MAP3K4: variants seen among roughly 807,000 people sequenced by gnomAD.
The protein encoded by MAP3K4 is mitogen-activated protein kinase kinase kinase 4, also known as MAP three kinase 1.
MAP3K4 carries 67 observed loss-of-function variants against 185.6 expected under a neutral mutation model. The observed-to-expected ratio is 0.36, with a 90% CI of 0.30 to 0.44. The LOEUF is 0.44. MAP3K4 is among the 20% of genes least tolerant of loss of function. The pLI, the probability that MAP3K4 is intolerant of heterozygous loss-of-function variation, is 1.00. For missense variants in MAP3K4, 1,551 were observed against 1,995.1 expected (o/e 0.78, Z 4.24); for synonymous variants, 702 against 710.4 (o/e 0.99, Z 0.19).
intron 3 of MAP3K4, among the ~76,000 whole-genome samples, chr6:161,060,601 T>C (rs552832927): frequency 6.6e-6 from 1 of 150,798 alleles, no homozygotes; most frequent in Non-Finnish European, 1.5e-5. Flanking sequence ...GAGTCAGATA[T>C]GTTTTGTTTT....
Position 161,091,289 on chromosome 6 carries a change from G to T in MAP3K4, c.2974-90G>T. The T allele has an allele frequency of 9.4e-7, 1 of 1,060,136 alleles. No homozygotes were observed. The allele number at this position is 1,060,136 out of a possible 1,614,324, so 65.7% of individuals were successfully genotyped here. ...GAATTGTTTGTAGTGGTTAATGTCT[G>T]TGTGATGATGAACGAAATCTTCCTT... On this transcript the variant is annotated intron_variant, in intron 11 of 26. Transcript: ENST00000392142. This position sits in a 1 kb window ranked among gnomAD's most constrained non-coding sequence, Gnocchi z 5.5.
chr6:161,117,230 G>A lies in MAP3K4; in HGVS notation c.*360G>A. On this transcript the variant is annotated 3_prime_UTR_variant, in exon 27 of 27. Transcript: ENST00000392142. ...AGTGTTATCAGGCGTCCCATACCTTGTTTTTAATCTCCTGTTTGTTGAGTG... is the reference window on the plus strand; with the variant it reads ...AGTGTTATCAGGCGTCCCATACCTTATTTTTAATCTCCTGTTTGTTGAGTG... The A allele has an allele frequency of 4.7e-6, 1 of 212,976 alleles. No homozygotes were observed. The highest frequency in any genetic ancestry group is 1.1e-4 in the East Asian group (1 of 9,406). The allele number at this position is 212,976 out of a possible 1,614,324, so 13.2% of individuals were successfully genotyped here. A position where few individuals can be genotyped will look rare whatever the true frequency, so the allele number is the denominator to read the frequency against.
In MAP3K4 at chr6:161,106,755, C is replaced by T. The variant is rs756398246; in HGVS notation, c.4048+50C>T. 5 of 1,435,330 alleles carry T rather than the reference C, an allele frequency of 3.5e-6. No individual in the cohort carries two copies. The highest frequency in any genetic ancestry group is 3.8e-6 in the Non-Finnish European group (4 of 1,045,592). 88.9% of individuals were successfully genotyped at this position (1,435,330 alleles called of 1,614,324 possible). A position where few individuals can be genotyped will look rare whatever the true frequency, so the allele number is the denominator to read the frequency against. ...TCAAGATAGTCCCTGTTAGAAGTAGCAATAGTTATACTTCTTTAGGTTGAA... is the reference window on the plus strand; with the variant it reads ...TCAAGATAGTCCCTGTTAGAAGTAGTAATAGTTATACTTCTTTAGGTTGAA... On this transcript the variant is annotated intron_variant, in intron 20 of 26. Coordinates refer to ENST00000392142, the MANE Select transcript of MAP3K4 (RefSeq NM_005922.4). The surrounding 1 kb of genome is among the most constrained non-coding windows in gnomAD (Gnocchi z 4.9).
rs1317267148 is a variant in MAP3K4 at position 161,086,115 on chromosome 6, A to C, written c.2373-264A>C. On this transcript the variant is annotated intron_variant, in intron 7 of 26. Transcript: ENST00000392142. This position sits in a 1 kb window ranked among gnomAD's most constrained non-coding sequence, Gnocchi z 4.8. Reference sequence around the variant, plus strand: ...AAATGATCATAATGAAATGTTAAGAAAATTGAGCTTCCTATTATTTGAAGG... The same window carrying C: ...AAATGATCATAATGAAATGTTAAGACAATTGAGCTTCCTATTATTTGAAGG... 1.3e-5 allele frequency among the ~76,000 whole-genome samples: 2 copies of C among 152,242 alleles called. No individual in the cohort carries two copies. The highest frequency in any genetic ancestry group is 4.8e-5 in the African/African-American group (2 of 41,470).
chr6:161,103,357 C>T lies in MAP3K4; in HGVS notation c.3856+578C>T, dbSNP rs1176262444. ...GCACTTGTCTCAAGTCTAGCGCACTCCATGGCAGCTTCCCTTTGAACTTTG... is the reference window on the plus strand; with the variant it reads ...GCACTTGTCTCAAGTCTAGCGCACTTCATGGCAGCTTCCCTTTGAACTTTG... On this transcript the variant is annotated intron_variant, in intron 19 of 26. Transcript: ENST00000392142. This position sits in a 1 kb window ranked among gnomAD's most constrained non-coding sequence, Gnocchi z 4.6. Among the ~76,000 whole-genome samples, 1 of 152,186 alleles carries T rather than the reference C, an allele frequency of 6.6e-6. No individual in the cohort carries two copies. The highest frequency in any genetic ancestry group is 1.9e-4 in the East Asian group (1 of 5,198).
chr6:161,070,154 T>C lies in MAP3K4; in HGVS notation c.1708-454T>C, dbSNP rs1362465711. 1.3e-5 allele frequency among the ~76,000 whole-genome samples: 2 copies of C among 152,242 alleles called. No individual in the cohort carries two copies. The highest frequency in any genetic ancestry group is 2.4e-5 in the African/African-American group (1 of 41,456). On this transcript the variant is annotated intron_variant, in intron 3 of 26. Coordinates refer to ENST00000392142, the MANE Select transcript of MAP3K4 (RefSeq NM_005922.4). This position sits in a 1 kb window ranked among gnomAD's most constrained non-coding sequence, Gnocchi z 4.5. ...AATTAGTGGAACTGATTAGTTTTTA[T>C]GTTTTCATAAATGGCTACTTAGGAT... is the stretch of plus-strand genomic sequence containing the variant.
At chr6:161,012,659 T>G (rs1352817613) in intron 1 of MAP3K4, among the ~76,000 whole-genome samples, 1 of 152,188 alleles carries the variant, frequency 6.6e-6, no homozygotes, top group Non-Finnish European at 1.5e-5. Flanking sequence ...GGGAATCTGG[T>G]CTCAAATCCA....
Position 161,070,605 on chromosome 6 carries a change from T to C in MAP3K4, c.1708-3T>C, listed in dbSNP as rs745424410. The C allele has an allele frequency of 2.4e-5, 38 of 1,612,284 alleles. No homozygotes were observed. The highest frequency in any genetic ancestry group is 2.7e-5 in the African/African-American group (2 of 74,910). On this transcript the variant is annotated splice_region_variant and splice_polypyrimidine_tract_variant and intron_variant, in intron 3 of 26. Transcript: ENST00000392142. This position sits in a 1 kb window ranked among gnomAD's most constrained non-coding sequence, Gnocchi z 4.5. ...ATCTGTGCCTGTTGAATTTTTGTTA[T>C]AGTTTTCTGAATTTCCAGATCCCAT...
rs2114928796 is a variant in MAP3K4 at position 161,115,818 on chromosome 6, A to C, written c.4806+516A>C. ...ACTTGGAAACGCTCACCCTTCCGGG[A>C]GAGTGGGATGGTCACAGAGCCCTGT... On this transcript the variant is annotated intron_variant, in intron 26 of 26. Transcript: ENST00000392142. This position sits in a 1 kb window ranked among gnomAD's most constrained non-coding sequence, Gnocchi z 6.0. Among the ~76,000 whole-genome samples, 1 of 152,246 alleles carries C rather than the reference A, an allele frequency of 6.6e-6. No homozygotes were observed. Among genetic ancestry groups the C allele is most frequent in the African/African-American group, 2.4e-5 (1 of 41,540 alleles).
At position 161,084,743 on chromosome 6, in the gene MAP3K4, G is replaced by A; in HGVS notation, c.2372+126G>A. The A allele has an allele frequency of 7.3e-6, 4 of 546,190 alleles. No homozygotes were observed. The South Asian group carries it at 8.2e-5, about 11-fold the overall frequency. The allele number at this position is 546,190 out of a possible 1,614,324, so 33.8% of individuals were successfully genotyped here. A position where few individuals can be genotyped will look rare whatever the true frequency, so the allele number is the denominator to read the frequency against. ...GCCTGGAAGAATTTGGGCAGTAGAT[G>A]TAAAGGGATTTATTTATAACTGCCT... On this transcript the variant is annotated intron_variant, in intron 7 of 26. Transcript: ENST00000392142. The surrounding 1 kb of genome is among the most constrained non-coding windows in gnomAD (Gnocchi z 4.6).
rs1778073318 is a variant in MAP3K4 at position 161,106,386 on chromosome 6, C to A, written c.3857-128C>A. 3.3e-6 allele frequency: 2 copies of A among 612,108 alleles called. No individual in the cohort carries two copies. The allele number at this position is 612,108 out of a possible 1,614,324, so 37.9% of individuals were successfully genotyped here. On this transcript the variant is annotated intron_variant, in intron 19 of 26. Coordinates refer to ENST00000392142, the MANE Select transcript of MAP3K4 (RefSeq NM_005922.4). The surrounding 1 kb of genome is among the most constrained non-coding windows in gnomAD (Gnocchi z 4.9). Reference sequence around the variant, plus strand: ...GAACTTTAATTCACCTGCTGTTTATCTGAATAGATAATAAGCTTTGCTGTA... The same window carrying A: ...GAACTTTAATTCACCTGCTGTTTATATGAATAGATAATAAGCTTTGCTGTA...
At position 161,049,881 on chromosome 6, in the gene MAP3K4, A is replaced by T. The variant is rs764549720; in HGVS notation, c.1609A>T (p.Met537Leu). 5 of 1,614,180 alleles carry T rather than the reference A, an allele frequency of 3.1e-6. No individual in the cohort carries two copies. Among genetic ancestry groups the T allele is most frequent in the Non-Finnish European group, 1.7e-6 (2 of 1,180,016 alleles). The change falls in exon 3 of 27, where the codon ATG becomes TTG. Residue 537 changes from methionine to leucine, a missense_variant. Physicochemically the swap from Met to Leu is conservative, Grantham distance 15. Transcript: ENST00000392142. This position sits in a 1 kb window ranked among gnomAD's most constrained non-coding sequence, Gnocchi z 8.4. ...RPFVDKALKQ[M>L]GLRKLILRLH... ...ATTTGTAGACAAAGCACTGAAGCAG[A>T]TGGGGTTAAGAAAGTTAATTTTAAG...
rs1279287245 is a variant in MAP3K4 at position 160,991,803 on chromosome 6, C to T, written c.-129C>T. 9.4e-6 allele frequency: 10 copies of T among 1,067,420 alleles called. No individual in the cohort carries two copies. Among genetic ancestry groups the T allele is most frequent in the Non-Finnish European group, 1.2e-5 (10 of 807,408 alleles). The allele number at this position is 1,067,420 out of a possible 1,614,324, so 66.1% of individuals were successfully genotyped here. ...GTCGCCGTTTCCAAGATGGCCGCGG[C>T]GCGCACGGCTCCTGCGGCGGGGTAG... On this transcript the variant is annotated 5_prime_UTR_variant, in exon 1 of 27. Coordinates refer to ENST00000392142, the MANE Select transcript of MAP3K4 (RefSeq NM_005922.4). This position sits in a 1 kb window ranked among gnomAD's most constrained non-coding sequence, Gnocchi z 5.7.
At chr6:161,079,216 G>GAA (rs71004026) in intron 5 of MAP3K4, among the ~76,000 whole-genome samples, 80,485 of 115,770 alleles carry the variant, frequency 0.7, 28,322 homozygotes, top group Admixed American at 0.74. Context: ...CCTGTCTCAA[G>GAA]AAAAAAAAAA....
rs1293003277 is a variant in MAP3K4, at chr6:161,106,191, T to C, written c.3857-323T>C. Among the ~76,000 whole-genome samples, 1 of 152,138 alleles carries C rather than the reference T, an allele frequency of 6.6e-6. No homozygotes were observed. On this transcript the variant is annotated intron_variant, in intron 19 of 26. Coordinates refer to ENST00000392142, the MANE Select transcript of MAP3K4 (RefSeq NM_005922.4). The surrounding 1 kb of genome is among the most constrained non-coding windows in gnomAD (Gnocchi z 4.9). ...ATGATCACATTTTATGTTTTAATAATATGGCAAACAAGAGTGTGGAATGGA... is the reference window on the plus strand; with the variant it reads ...ATGATCACATTTTATGTTTTAATAACATGGCAAACAAGAGTGTGGAATGGA...
At chr6:161,010,815 G>A (rs1781809655) in intron 1 of MAP3K4, among the ~76,000 whole-genome samples, 1 of 152,182 alleles carries the variant, frequency 6.6e-6, no homozygotes, top group Non-Finnish European at 1.5e-5. Flanking sequence ...CACAACTCTG[G>A]AAATTTTGAG....
chr6:161,089,881 T>C (rs1785940336), intron 11 of MAP3K4, among the ~76,000 whole-genome samples: 1 of 152,212 alleles, frequency 6.6e-6, no homozygotes, highest in Non-Finnish European at 1.5e-5. Context: ...AATAAATAAT[T>C]CAACCAAATT....
intron 1 of MAP3K4, among the ~76,000 whole-genome samples, chr6:161,016,989 C>A (rs570614482): frequency 6.6e-6 from 1 of 152,164 alleles, no homozygotes; most frequent in Non-Finnish European, 1.5e-5. Context: ...TGTAACATAT[C>A]CCAGTCCCTT....
intron 2 of MAP3K4, among the ~76,000 whole-genome samples, chr6:161,041,481 C>T (rs1162295992): frequency 1.3e-5 from 2 of 152,206 alleles, no homozygotes; most frequent in Non-Finnish European, 2.9e-5. Context: ...GCAGGGCTGT[C>T]GCATGGAGGA....
Sources: gnomAD v4.1 joint callset for allele counts (sites outside exome capture counted in the v4.1 genomes callset) on GRCh38, gnomAD v4.1.1 for gene constraint, Gnocchi (gnomAD v3.1) non-coding constraint, MANE v1.5 for transcripts, NCBI Gene and HGNC (gene_info 2026-07-23, HGNC 2026-07-21) for gene names.